Variants in HSF5 observed in about 807,000 individuals in gnomAD.
The protein encoded by HSF5 is heat shock factor protein 5.
Under a neutral mutation model 50.8 loss-of-function variants are expected in HSF5, and 5 were observed. The observed-to-expected ratio is 0.10, with a 90% CI of 0.05 to 0.21. The LOEUF (loss-of-function observed/expected upper bound fraction) is 0.21, where lower values mean the gene tolerates loss of function less well. Among genes scored for constraint, HSF5 ranks in the 10% least tolerant of loss-of-function variants. The probability of loss-of-function intolerance (pLI) is 1.00; values close to 1 mark genes in which losing one functional copy is unlikely to be tolerated. For synonymous variants in HSF5, 307 were observed against 307.4 expected (o/e 1.00, Z 0.02); for missense variants, 564 against 762.6 (o/e 0.74, Z 3.07).
chr17:58,471,421 T>C (rs910150449), intron 2 of HSF5, among the ~76,000 whole-genome samples: 16 of 152,158 alleles, frequency 1.1e-4, no homozygotes, highest in Admixed American at 8.5e-4. Flanking sequence ...ATATTCTATA[T>C]TTATGTACAT....
rs543211397 is a variant in HSF5 at position 58,432,284 on chromosome 17, G to A, written c.1721-9854C>T. ...GAACCAACCTTCTAGAAAGAGTGGG[G>A]GTGGGAATTATAGAAAAATAGCAAG... On this transcript the variant is annotated intron_variant, in intron 5 of 5. Transcript: ENST00000323777. Among the ~76,000 whole-genome samples the A allele has an allele frequency of 2.0e-5, 3 of 151,938 alleles. No homozygotes were observed. The South Asian group carries it at 6.3e-4, about 32-fold the overall frequency.
At chr17:58,474,111 T>C (rs1974982179) in intron 2 of HSF5, among the ~76,000 whole-genome samples, 2 of 152,216 alleles carry the variant, frequency 1.3e-5, no homozygotes, top group Non-Finnish European at 2.9e-5. Flanking sequence ...AATGATACTC[T>C]ATTTAATTTT....
intron 2 of HSF5, among the ~76,000 whole-genome samples, chr17:58,468,122 G>T (rs995078663): frequency 6.6e-6 from 1 of 152,200 alleles, no homozygotes; most frequent in African/African-American, 2.4e-5. Context: ...ATACAGCGAG[G>T]CATGGTGGCT....
At chr17:58,485,391 A>G (rs1975155723) in intron 1 of HSF5, among the ~76,000 whole-genome samples, 1 of 152,118 alleles carries the variant, frequency 6.6e-6, no homozygotes, top group African/African-American at 2.4e-5. Flanking sequence ...GACTCTTTAA[A>G]CAGAGAAATG....
At position 58,463,026 on chromosome 17, in the gene HSF5, G is replaced by T; in HGVS notation, c.1298C>A (p.Thr433Asn). 6.2e-7 allele frequency: 1 copy of T among 1,614,230 alleles called. No homozygotes were observed. Among genetic ancestry groups the T allele is most frequent in the Non-Finnish European group, 8.5e-7 (1 of 1,180,046 alleles). The change falls in exon 4 of 6, where the codon ACT (threonine) becomes AAT (asparagine). Residue 433 changes from threonine to asparagine, a missense_variant. Physicochemically the swap from Thr to Asn is moderately conservative, Grantham distance 65. Coordinates refer to ENST00000323777, the MANE Select transcript of HSF5 (RefSeq NM_001080439.3). Reference protein sequence around the residue: ...ASQASQLEPLTPVGSDIMSFV... With the variant: ...ASQASQLEPLNPVGSDIMSFV... The stretch of plus-strand genomic sequence containing the variant: ...AGACATAATATCTGAGCCTACAGGA[G>T]TAAGTGGCTCCAGCTGGCTAGCCTG...
chr17:58,429,901 G>C (rs1469590286), intron 5 of HSF5, among the ~76,000 whole-genome samples: 1 of 151,406 alleles, frequency 6.6e-6, no homozygotes, highest in African/African-American at 2.4e-5. Flanking sequence ...AAAAAAAAAG[G>C]TATATTTTCC....
At position 58,462,925 on chromosome 17, in the gene HSF5, C is replaced by G; in HGVS notation, c.1399G>C (p.Ala467Pro). Residue 467 changes from alanine (A) to proline (P), a missense_variant, in exon 4 of 6, where the codon GCT becomes CCT. This residue lies in a region of HSF5 where 441 missense variants were observed against 533.6 expected (regional missense o/e 0.83). Coordinates refer to ENST00000323777, the MANE Select transcript of HSF5 (RefSeq NM_001080439.3). Reference sequence around the variant, plus strand: ...ATTGTGCTATTTTCAACAGGCTGAGCTGTGTGGATGGTATAGATGTACTCA... The same window carrying G: ...ATTGTGCTATTTTCAACAGGCTGAGGTGTGTGGATGGTATAGATGTACTCA... The part of the protein sequence containing the change: ...SPEYIYTIHT[A>P]QPVENSTIQE... 6.2e-7 allele frequency: 1 copy of G among 1,614,162 alleles called. No homozygotes were observed. The highest frequency in any genetic ancestry group is 8.5e-7 in the Non-Finnish European group (1 of 1,180,028).
intron 5 of HSF5, among the ~76,000 whole-genome samples, chr17:58,448,265 T>C (rs1259215293): frequency 6.6e-6 from 1 of 150,414 alleles, no homozygotes; most frequent in African/African-American, 2.5e-5. Context: ...AGAGCAAATA[T>C]AAGACTCAAT....
chr17:58,450,113 A>G (rs187503945), intron 5 of HSF5, among the ~76,000 whole-genome samples: 1 of 151,706 alleles, frequency 6.6e-6, no homozygotes, highest in Non-Finnish European at 1.5e-5. Context: ...AGGCAGGCAG[A>G]TCACTTGAGG....
intron 2 of HSF5, among the ~76,000 whole-genome samples, chr17:58,467,407 A>T (rs1974882476): frequency 6.6e-6 from 1 of 152,252 alleles, no homozygotes; most frequent in South Asian, 2.1e-4. Flanking sequence ...GTATTCTCCA[A>T]ATGTTCCACC....
rs779600849 is a variant in HSF5 at position 58,488,295 on chromosome 17, T to TCGCCCCC, written c.-28_-22dup. On this transcript the variant is annotated 5_prime_UTR_variant, in exon 1 of 6. Transcript: ENST00000323777. This position sits in a 1 kb window ranked among gnomAD's most constrained non-coding sequence, Gnocchi z 4.1. ...TCCATCGCCCCGCCGGGCCGGGGCC[T>TCGCCCCC]CGCCCCCCGAGCCTAGCTCTCCCAC... The TCGCCCCC allele has an allele frequency of 6.2e-5, 90 of 1,452,586 alleles. No individual in the cohort carries two copies. In the South Asian group the frequency reaches 1.2e-3, roughly 20 times the overall value. The allele number at this position is 1,452,586 out of a possible 1,614,324, so 90.0% of individuals were successfully genotyped here.
At chr17:58,487,522 G>A (rs1430651957) in intron 1 of HSF5, among the ~76,000 whole-genome samples, 32 of 152,246 alleles carry the variant, frequency 2.1e-4, no homozygotes, top group Admixed American at 2.1e-3. Flanking sequence ...CCAGGGGAGG[G>A]CCGGTGGCCA....
chr17:58,452,746 G>A (rs548386110), intron 5 of HSF5, among the ~76,000 whole-genome samples: 4 of 152,376 alleles, frequency 2.6e-5, no homozygotes, highest in African/African-American at 9.6e-5. Context: ...GAGCACCTCT[G>A]CCTGGCCTCC....
chr17:58,471,057 G>C (rs1049440067), intron 2 of HSF5, among the ~76,000 whole-genome samples: 2 of 152,196 alleles, frequency 1.3e-5, no homozygotes, highest in Non-Finnish European at 1.5e-5. Flanking sequence ...CTCAGGGACA[G>C]GTTGGCATTC....
chr17:58,440,475 ATT>A, intron 5 of HSF5, among the ~76,000 whole-genome samples: 1 of 152,238 alleles, frequency 6.6e-6, no homozygotes, highest in Middle Eastern at 3.4e-3. Context: ...AACAAATCTT[ATT>A]TGAGGAAGAT....
In HSF5 at chr17:58,420,379, T is replaced by C. The variant is rs188691728; in HGVS notation, c.*1981A>G. 3.9e-5 allele frequency: 6 copies of C among 152,216 alleles called. No individual in the cohort carries two copies. Among genetic ancestry groups the C allele is most frequent in the Admixed American group, 3.3e-4 (5 of 15,284 alleles). The allele number at this position is 152,216 out of a possible 1,614,324, so 9.4% of individuals were successfully genotyped here. A position where few individuals can be genotyped will look rare whatever the true frequency, so the allele number is the denominator to read the frequency against. ...TTGATAGATACAAGGCGTGTAAGGATAGCAGGAGATCCAGCTCCTTGGTCT... is the reference window on the plus strand; with the variant it reads ...TTGATAGATACAAGGCGTGTAAGGACAGCAGGAGATCCAGCTCCTTGGTCT... On this transcript the variant is annotated 3_prime_UTR_variant, in exon 6 of 6. Transcript: ENST00000323777.
At chr17:58,443,816 T>C (rs910778429) in intron 5 of HSF5, among the ~76,000 whole-genome samples, 2 of 152,224 alleles carry the variant, frequency 1.3e-5, no homozygotes, top group Admixed American at 6.5e-5. Flanking sequence ...GACTGTGCCA[T>C]TACTAAGATG....
At chr17:58,433,191 T>C (rs950701254) in intron 5 of HSF5, among the ~76,000 whole-genome samples, 2 of 152,302 alleles carry the variant, frequency 1.3e-5, no homozygotes, top group African/African-American at 4.8e-5. Context: ...TGTAGAGACA[T>C]GGTTTCACCA....
chr17:58,428,098 A>G (rs1229416137), intron 5 of HSF5, among the ~76,000 whole-genome samples: 1 of 152,222 alleles, frequency 6.6e-6, no homozygotes, highest in Non-Finnish European at 1.5e-5. Flanking sequence ...CCAACAATTA[A>G]AAAATGTAAA....
Sources: gnomAD v4.1 joint callset for allele counts (sites outside exome capture counted in the v4.1 genomes callset) on GRCh38, gnomAD v4.1.1 for gene constraint, gnomAD v4.1.1 regional missense constraint, Gnocchi (gnomAD v3.1) non-coding constraint, MANE v1.5 for transcripts, NCBI Gene and HGNC (gene_info 2026-07-23, HGNC 2026-07-21) for gene names.